FEZ2: variants seen among roughly 807,000 people sequenced by gnomAD.
FEZ2 encodes the protein fasciculation and elongation protein zeta-2.
FEZ2 carries 51 observed loss-of-function variants against 40.4 expected under a neutral mutation model. That is an observed-to-expected ratio of 1.26 (90% CI 1.01 to 1.59). The LOEUF (loss-of-function observed/expected upper bound fraction) is 1.59. FEZ2 is among the 40% of genes most tolerant of loss of function. The pLI, the probability that FEZ2 is intolerant of heterozygous loss-of-function variation, is 0.00. For synonymous variants in FEZ2, 242 were observed against 172.0 expected, an observed-to-expected ratio of 1.41 and a Z score of -3.18; for missense variants, 640 against 438.3, an observed-to-expected ratio of 1.46 and a Z score of -4.11.
chr2:36,555,788 A>C lies in FEZ2; in HGVS notation c.980-40T>G, dbSNP rs370995806. 608 of 1,157,224 alleles carry C rather than the reference A, an allele frequency of 5.3e-4. 2 individuals are homozygous for C. Among genetic ancestry groups the C allele is most frequent in the Middle Eastern group, 1.6e-3 (8 of 5,030 alleles). The allele number at this position is 1,157,224 out of a possible 1,614,324, so 71.7% of individuals were successfully genotyped here. A position where few individuals can be genotyped will look rare whatever the true frequency, so the allele number is the denominator to read the frequency against. Reference sequence around the variant, plus strand: ...AGGGGAAAAAAGACAACAATTAAAAATTTAGATCAAAAATATTATTTAATT... The same window carrying C: ...AGGGGAAAAAAGACAACAATTAAAACTTTAGATCAAAAATATTATTTAATT... On this transcript the variant is annotated intron_variant, in intron 6 of 7. Transcript: ENST00000405912.
chr2:36,593,802 G>C (rs761426530), intron 1 of FEZ2, among the ~76,000 whole-genome samples: 1 of 151,592 alleles, frequency 6.6e-6, no homozygotes, highest in South Asian at 2.1e-4. Flanking sequence ...TGCTACTTAC[G>C]CAAATTTCTG....
intron 4 of FEZ2, among the ~76,000 whole-genome samples, chr2:36,580,197 G>A (rs182967781): frequency 3.5e-4 from 53 of 152,320 alleles, no homozygotes; most frequent in Admixed American, 3.3e-3. Context: ...TTTAGTATCT[G>A]TATCAGGTAT....
chr2:36,564,913 T>C (rs987038504), intron 5 of FEZ2, among the ~76,000 whole-genome samples: 8 of 152,340 alleles, frequency 5.3e-5, no homozygotes, highest in African/African-American at 1.7e-4. Context: ...TCCCCCGTTG[T>C]GTGCCAATGT....
chr2:36,561,588 T>G (rs1370155621), intron 5 of FEZ2: 3 of 152,202 alleles, frequency 2.0e-5, no homozygotes, highest in Non-Finnish European at 4.4e-5. Context: ...ATTTTTTTCC[T>G]AAACAACTTA....
chr2:36,583,465 CT>C lies in FEZ2; in HGVS notation c.379del (p.Ser127ValfsTer14). On this transcript the variant is annotated frameshift_variant, in exon 3 of 8. Transcript: ENST00000405912. LOFTEE classifies it high-confidence loss of function. ...LTLNLSEKGV[S>X]DSLLFDTSDD... Reference sequence around the variant, plus strand: ...TGATGTATCAAAGAGCAAACTGTCACTTACCTAAAAACAAAAATACCCATCA... The same window carrying C: ...TGATGTATCAAAGAGCAAACTGTCACTACCTAAAAACAAAAATACCCATCA... 2 of 1,546,924 alleles carry C rather than the reference CT, an allele frequency of 1.3e-6. No homozygotes were observed. The highest frequency in any genetic ancestry group is 1.1e-5 in the South Asian group (1 of 89,846).
At chr2:36,557,394 G>T (rs994511175) in intron 6 of FEZ2, 9 of 152,074 alleles carry the variant, frequency 5.9e-5, no homozygotes, top group South Asian at 2.1e-4. Flanking sequence ...TTCACCAAAG[G>T]AAAGAATAAA....
chr2:36,598,061 C>T lies in FEZ2; in HGVS notation c.82G>A (p.Ala28Thr). 2.0e-6 allele frequency: 3 copies of T among 1,498,776 alleles called. No homozygotes were observed. Among genetic ancestry groups the T allele is most frequent in the Admixed American group, 2.1e-5 (1 of 47,852 alleles). 92.8% of individuals were successfully genotyped at this position (1,498,776 alleles called of 1,614,324 possible). Residue 28 changes from alanine (A) to threonine (T), a missense_variant, in exon 1 of 8, where the codon GCG becomes ACG. Physicochemically the swap from Ala to Thr is moderately conservative, Grantham distance 58 (BLOSUM62 0). Transcript: ENST00000405912. ...GCCTCCGCCCCAGGCTCGGGGCTCG[C>T]GTTACAGTTCTCCTGGTCCAGGAGG... Reference protein sequence around the residue: ...RSLLDQENCNASPEPGAEAGA... With the variant: ...RSLLDQENCNTSPEPGAEAGA...
Position 36,558,492 on chromosome 2 carries a change from A to G in FEZ2, c.925T>C (p.Tyr309His). The change falls in exon 6 of 8, where the codon TAT (tyrosine) becomes CAT (histidine). Residue 309 changes from tyrosine to histidine, a missense_variant. Tyr to His is a moderately conservative substitution (Grantham distance 83). Transcript: ENST00000405912. ...GACGGTGGTCCGTTTTTTTTCTCAT[A>G]AGGAATGACTGTAGTCAAATACTGC... ...PGTYLTTVIP[Y>H]EKKNGPPSVE... The G allele has an allele frequency of 1.3e-6, 2 of 1,524,044 alleles. No individual in the cohort carries two copies. Among genetic ancestry groups the G allele is most frequent in the Non-Finnish European group, 1.8e-6 (2 of 1,131,680 alleles). 94.4% of individuals were successfully genotyped at this position (1,524,044 alleles called of 1,614,324 possible).
chr2:36,571,649 T>C (rs1668414968), intron 5 of FEZ2, among the ~76,000 whole-genome samples: 2 of 150,372 alleles, frequency 1.3e-5, no homozygotes, highest in Admixed American at 6.6e-5. Context: ...AGCAAGACCC[T>C]GTCTCAAAAA....
intron 3 of FEZ2, among the ~76,000 whole-genome samples, chr2:36,581,837 G>C (rs1406152718): frequency 6.6e-6 from 1 of 151,632 alleles, no homozygotes; most frequent in Non-Finnish European, 1.5e-5. Flanking sequence ...TCAATTTAAA[G>C]GTATCTCATC....
intron 2 of FEZ2, among the ~76,000 whole-genome samples, chr2:36,589,045 T>A (rs1023883253): frequency 6.6e-6 from 1 of 152,256 alleles, no homozygotes; most frequent in Non-Finnish European, 1.5e-5. Flanking sequence ...AACCTTTCTA[T>A]CACGATCTCT....
chr2:36,570,157 A>C (rs1008630406), intron 5 of FEZ2, among the ~76,000 whole-genome samples: 1 of 152,076 alleles, frequency 6.6e-6, no homozygotes, highest in African/African-American at 2.4e-5. Flanking sequence ...ATCTTGTTTT[A>C]ATACTTCAAA....
At chr2:36,555,528 T>C (rs547544819) in intron 7 of FEZ2, 155 bp downstream of exon 7, 7 of 456,348 alleles carry the variant, frequency 1.5e-5, no homozygotes, top group African/African-American at 1.4e-4. Context: ...ATAATGTTGG[T>C]AGAAGTCAGT....
intron 2 of FEZ2, 55 bp downstream of exon 2, chr2:36,590,848 A>T: frequency 1.0e-6 from 1 of 985,450 alleles, no homozygotes; most frequent in Non-Finnish European, 1.6e-6. Context: ...CTACTGTTTT[A>T]GTTCTATTAT....
chr2:36,590,603 G>C (rs755733756), intron 2 of FEZ2: 1 of 240,038 alleles, frequency 4.2e-6, no homozygotes, highest in Non-Finnish European at 8.0e-6. Context: ...AGGAGGCAGA[G>C]GTTGTAGTAA....
At chr2:36,558,585 A>G in intron 5 of FEZ2, 72 bp from the exon 6 acceptor site, 1 of 793,510 alleles carries the variant, frequency 1.3e-6, no homozygotes, top group Non-Finnish European at 2.0e-6. Context: ...TGATACTGTT[A>G]CTAGAAGGTC....
chr2:36,567,672 G>T (rs942577961), intron 5 of FEZ2, among the ~76,000 whole-genome samples: 1 of 151,656 alleles, frequency 6.6e-6, no homozygotes, highest in Non-Finnish European at 1.5e-5. Flanking sequence ...TCAGGCAGGA[G>T]AATCACTTGA....
chr2:36,569,711 A>G (rs1668354062), intron 5 of FEZ2, among the ~76,000 whole-genome samples: 1 of 152,210 alleles, frequency 6.6e-6, no homozygotes, highest in African/African-American at 2.4e-5. Flanking sequence ...GCAAGACAAC[A>G]AAGGGCTCAG....
intron 2 of FEZ2, among the ~76,000 whole-genome samples, chr2:36,587,491 C>T (rs914982862): frequency 3.9e-5 from 6 of 152,078 alleles, no homozygotes; most frequent in Admixed American, 1.3e-4. Context: ...AATGTGCCCA[C>T]GTAAGAATTT....
Sources: allele counts gnomAD v4.1 joint callset (sites outside exome capture counted in the v4.1 genomes callset), GRCh38; gene constraint gnomAD v4.1.1; transcripts MANE v1.5; gene names NCBI Gene and HGNC (gene_info 2026-07-23, HGNC 2026-07-21).